The following UGT1A10 variants were observed in gnomAD, a reference collection of about 807,000 sequenced individuals.
The protein encoded by UGT1A10 is UDP glucuronosyltransferase family 1 member A10, also known as UDP-glucuronosyltransferase 1A10.
Under a neutral mutation model 45.8 loss-of-function variants are expected in UGT1A10, and 49 were observed. That is an observed-to-expected ratio of 1.07 (90% CI 0.85 to 1.36). The LOEUF (loss-of-function observed/expected upper bound fraction) is 1.36. Among genes scored for constraint, UGT1A10 ranks in the 40% most tolerant of loss-of-function variants. The probability of loss-of-function intolerance (pLI) is 0.00; values close to 1 mark genes in which losing one functional copy is unlikely to be tolerated. For synonymous variants in UGT1A10, 284 were observed against 249.7 expected (o/e 1.14, Z -1.29); for missense variants, 745 against 668.6 (o/e 1.11, Z -1.26).
intron 1 of UGT1A10, among the ~76,000 whole-genome samples, chr2:233,664,854 TTC>T (rs1325903151): frequency 1.3e-5 from 2 of 152,200 alleles, no homozygotes; most frequent in Non-Finnish European, 2.9e-5. Context: ...TTTTTCCAGT[TTC>T]ATGAATCCTT....
At chr2:233,713,274 G>A in intron 1 of UGT1A10, 1 of 1,614,182 alleles carries the variant, frequency 6.2e-7, no homozygotes, top group Non-Finnish European at 8.5e-7. Flanking sequence ...CCTTTTGCTG[G>A]GTCACACTCA....
At chr2:233,756,509 C>G (rs138449392) in intron 1 of UGT1A10, among the ~76,000 whole-genome samples, 3,057 of 152,098 alleles carry the variant, frequency 0.02, 61 homozygotes, top group Non-Finnish European at 0.029. Context: ...TATGGAGGGT[C>G]AAATGTGCAT....
rs1338074257 is a variant in UGT1A10 at position 233,772,677 on chromosome 2, A to G, written c.*118A>G. On this transcript the variant is annotated 3_prime_UTR_variant, in exon 5 of 5. Transcript: ENST00000344644. ...ATTAAGGAAATACTTTGCATAAATTAATCAGCCCCAGAGTGCTTTAAAAAA... is the reference window on the plus strand; with the variant it reads ...ATTAAGGAAATACTTTGCATAAATTGATCAGCCCCAGAGTGCTTTAAAAAA... 14 of 1,531,978 alleles carry G rather than the reference A, an allele frequency of 9.1e-6. No homozygotes were observed. The highest frequency in any genetic ancestry group is 1.1e-5 in the Non-Finnish European group (13 of 1,142,190). 94.9% of individuals were successfully genotyped at this position (1,531,978 alleles called of 1,614,324 possible).
intron 1 of UGT1A10, chr2:233,693,522 G>A (rs2075160546): frequency 1.2e-6 from 2 of 1,614,162 alleles, no homozygotes; most frequent in Middle Eastern, 1.6e-4. Flanking sequence ...CTCTTCAGGG[G>A]TTTTCCGTGT....
intron 1 of UGT1A10, among the ~76,000 whole-genome samples, chr2:233,721,322 G>C (rs1265391747): frequency 6.6e-6 from 1 of 152,066 alleles, no homozygotes; most frequent in Non-Finnish European, 1.5e-5. Context: ...CTCTTTTCTT[G>C]TGGTTTTTCA....
intron 1 of UGT1A10, among the ~76,000 whole-genome samples, chr2:233,658,947 A>G (rs2073910829): frequency 1.3e-5 from 2 of 152,124 alleles, no homozygotes; most frequent in African/African-American, 4.8e-5. Flanking sequence ...TTCTGTATGA[A>G]TTTTAGAGTC....
intron 1 of UGT1A10, chr2:233,672,256 CTAT>C: frequency 4.3e-6 from 7 of 1,614,158 alleles, no homozygotes; most frequent in Non-Finnish European, 5.9e-6. Flanking sequence ...TATATATTCT[CTAT>C]TAATGGGTTC....
chr2:233,666,911 G>C (rs933255547), intron 1 of UGT1A10, among the ~76,000 whole-genome samples: 1 of 150,750 alleles, frequency 6.6e-6, no homozygotes, highest in Non-Finnish European at 1.5e-5. Flanking sequence ...TTGGTTTCTT[G>C]TCCTTGTGGT....
At chr2:233,755,270 G>A (rs1695837924) in intron 1 of UGT1A10, 1 of 756,192 alleles carries the variant, frequency 1.3e-6, no homozygotes, top group Non-Finnish European at 2.0e-6. Flanking sequence ...AGTCCACTAT[G>A]CTGGACTGCC....
At chr2:233,757,559 T>TATATATATACATATAC in intron 1 of UGT1A10, among the ~76,000 whole-genome samples, 4 of 124,406 alleles carry the variant, frequency 3.2e-5, no homozygotes, top group Non-Finnish European at 3.3e-5. Context: ...TATATATATA[T>TATATATATACATATAC]ATGTATATAT....
At chr2:233,667,411 C>A (rs1194173142) in intron 1 of UGT1A10, among the ~76,000 whole-genome samples, 2 of 152,172 alleles carry the variant, frequency 1.3e-5, no homozygotes, top group African/African-American at 2.4e-5. Context: ...AAATGTTAGA[C>A]CTTAAACCAT....
rs752968297 is a variant in UGT1A10 at position 233,768,220 on chromosome 2, G to T, written c.1076G>T (p.Gly359Val). 65 of 1,614,160 alleles carry T rather than the reference G, an allele frequency of 4.0e-5. No homozygotes were observed. In the Admixed American group the frequency reaches 1.0e-3, roughly 25 times the overall value. Residue 359 changes from glycine to valine, a missense_variant and splice_region_variant, in exon 4 of 5, where the codon GGT (glycine) becomes GTT (valine). Gly to Val is a moderately radical substitution (Grantham distance 109, BLOSUM62 -3). Transcript: ENST00000344644. Reference sequence around the variant, plus strand: ...ACATCCTCCCTATTTTGCATCTCAGGTCACCCGATGACCCGTGCCTTTATC... The same window carrying T: ...ACATCCTCCCTATTTTGCATCTCAGTTCACCCGATGACCCGTGCCTTTATC... ...VKWLPQNDLL[G>V]HPMTRAFITH...
chr2:233,651,837 A>G (rs1333533096), intron 1 of UGT1A10, among the ~76,000 whole-genome samples: 1 of 152,238 alleles, frequency 6.6e-6, no homozygotes, highest in African/African-American at 2.4e-5. Flanking sequence ...GTCAGCATGC[A>G]GTGTCTCAGA....
rs536054033 is a variant in UGT1A10, at chr2:233,697,515, T to TA, written c.855+60144dup. Among the ~76,000 whole-genome samples, 41 of 150,144 alleles carry TA rather than the reference T, an allele frequency of 2.7e-4. No homozygotes were observed. In the Middle Eastern group the frequency reaches 0.01, roughly 37 times the overall value. ...AATTTTGTTTATCTTTTTTTTTTTTTAAAAAACTTTTTGTTTCATTGGTCT... is the reference window on the plus strand; with the variant it reads ...AATTTTGTTTATCTTTTTTTTTTTTTAAAAAAACTTTTTGTTTCATTGGTCT... On this transcript the variant is annotated intron_variant, in intron 1 of 4. Transcript: ENST00000344644.
chr2:233,675,973 T>A (rs1175855092), intron 1 of UGT1A10, among the ~76,000 whole-genome samples: 2 of 152,174 alleles, frequency 1.3e-5, no homozygotes, highest in Non-Finnish European at 2.9e-5. Flanking sequence ...TCACACAACA[T>A]CTTTCCATAC....
At chr2:233,695,130 C>CTTTCTT (rs1364557158) in intron 1 of UGT1A10, among the ~76,000 whole-genome samples, 6 of 138,838 alleles carry the variant, frequency 4.3e-5, no homozygotes, top group Non-Finnish European at 7.7e-5. Flanking sequence ...CTTTTCTTTT[C>CTTTCTT]TTTTTTTTTT....
At chr2:233,712,759 G>A (rs897356928) in intron 1 of UGT1A10, among the ~76,000 whole-genome samples, 48 of 152,058 alleles carry the variant, frequency 3.2e-4, no homozygotes, top group Admixed American at 2.4e-3. Flanking sequence ...CAGAGCGAGC[G>A]CAAGGTCAGA....
intron 1 of UGT1A10, chr2:233,690,440 C>T: frequency 7.8e-7 from 1 of 1,280,204 alleles, no homozygotes; most frequent in Non-Finnish European, 1.0e-6. Flanking sequence ...TTGGGTCTCT[C>T]CTCTATTCAA....
At chr2:233,715,540 G>A (rs552112034) in intron 1 of UGT1A10, among the ~76,000 whole-genome samples, 3 of 152,222 alleles carry the variant, frequency 2.0e-5, no homozygotes, top group South Asian at 4.2e-4. Flanking sequence ...GGGAGACCGA[G>A]GGAGGAGGAT....
Sources: allele counts gnomAD v4.1 joint callset (sites outside exome capture counted in the v4.1 genomes callset), GRCh38; gene constraint gnomAD v4.1.1; transcripts MANE v1.5; gene names NCBI Gene and HGNC (gene_info 2026-07-23, HGNC 2026-07-21).